NINL: variants seen among roughly 807,000 people sequenced by gnomAD.
NINL encodes ninein-like protein.
In NINL, 153 loss-of-function variants were observed where a neutral mutation model predicts 160.3. That is an observed-to-expected ratio of 0.95 (90% CI 0.84 to 1.09). The LOEUF (loss-of-function observed/expected upper bound fraction) is 1.09. Among genes scored for constraint, NINL ranks in the 50% least tolerant of loss-of-function variants. NINL has a pLI of 0.00. For missense variants in NINL, 1,829 were observed against 1,764.0 expected, an observed-to-expected ratio of 1.04 and a Z score of -0.66; for synonymous variants, 800 against 734.8, an observed-to-expected ratio of 1.09 and a Z score of -1.43.
intron 13 of NINL, among the ~76,000 whole-genome samples, chr20:25,484,637 T>C (rs1320994011): frequency 2.0e-5 from 3 of 152,118 alleles, no homozygotes; most frequent in South Asian, 2.1e-4. Context: ...ATACCAGTGA[T>C]TGGTACATGT....
intron 1 of NINL, among the ~76,000 whole-genome samples, chr20:25,563,986 C>T (rs1013396141): frequency 1.2e-4 from 18 of 152,174 alleles, no homozygotes; most frequent in Admixed American, 6.5e-4. Context: ...TGGGAGACCA[C>T]GGCAAGAGGA....
intron 1 of NINL, among the ~76,000 whole-genome samples, chr20:25,531,625 G>T (rs1384481094): frequency 1.3e-5 from 2 of 152,186 alleles, no homozygotes; most frequent in Non-Finnish European, 2.9e-5. Flanking sequence ...CGCAACAGGG[G>T]AGAAGACAAA....
intron 1 of NINL, among the ~76,000 whole-genome samples, chr20:25,537,861 C>T (rs939499088): frequency 3.3e-5 from 5 of 152,178 alleles, no homozygotes; most frequent in Admixed American, 1.3e-4. Context: ...TGACAAGAGT[C>T]GAAATGCACG....
chr20:25,554,040 G>C (rs574473635), intron 1 of NINL, among the ~76,000 whole-genome samples: 1 of 152,366 alleles, frequency 6.6e-6, no homozygotes, highest in South Asian at 2.1e-4. Flanking sequence ...AGGGCAGAAG[G>C]ACCAGGCCTT....
chr20:25,491,570 C>T, intron 10 of NINL, 45 bp from the exon 11 acceptor site: 1 of 1,584,752 alleles, frequency 6.3e-7, no homozygotes, highest in Non-Finnish European at 8.6e-7. Context: ...CATGTCAGGG[C>T]TGCCCAGGCC....
chr20:25,467,811 C>T (rs949470951), intron 18 of NINL, among the ~76,000 whole-genome samples: 1 of 152,200 alleles, frequency 6.6e-6, no homozygotes, highest in East Asian at 1.9e-4. Flanking sequence ...ACACATAACA[C>T]TTCACACTCA....
chr20:25,480,842 G>A (rs966814225), intron 14 of NINL, among the ~76,000 whole-genome samples: 1 of 152,214 alleles, frequency 6.6e-6, no homozygotes, highest in African/African-American at 2.4e-5. Flanking sequence ...ATCCAGGTGG[G>A]ACGTCAATGG....
chr20:25,510,848 G>A, intron 4 of NINL, 108 bp from the exon 5 acceptor site: 1 of 826,556 alleles, frequency 1.2e-6, no homozygotes, highest in South Asian at 1.6e-5. Context: ...GGATGGCTGA[G>A]TATGGAGTCA....
chr20:25,505,803 C>T (rs1216768550), intron 5 of NINL, among the ~76,000 whole-genome samples: 5 of 152,154 alleles, frequency 3.3e-5, no homozygotes, highest in African/African-American at 1.2e-4. Flanking sequence ...CTGCAAAGCA[C>T]CAAAGGTGGA....
chr20:25,561,791 G>A (rs1392405088), intron 1 of NINL, among the ~76,000 whole-genome samples: 2 of 150,144 alleles, frequency 1.3e-5, no homozygotes, highest in South Asian at 2.1e-4. Flanking sequence ...GAGACCCTCC[G>A]CCTGGCAACC....
chr20:25,479,106 T>C lies in NINL; in HGVS notation c.2018A>G (p.Glu673Gly), dbSNP rs1327903928. 1 of 1,613,648 alleles carries C rather than the reference T, an allele frequency of 6.2e-7. No individual in the cohort carries two copies. Among genetic ancestry groups the C allele is most frequent in the Non-Finnish European group, 8.5e-7 (1 of 1,180,034 alleles). ...QARRREVSVLEGQKADLEELH... is the reference protein window; with the variant it reads ...QARRREVSVLGGQKADLEELH... Reference sequence around the variant, plus strand: ...CTCCTCCAGGTCGGCCTTCTGACCCTCCAGCACGCTGACCTCGCGCCTGCG... The same window carrying C: ...CTCCTCCAGGTCGGCCTTCTGACCCCCCAGCACGCTGACCTCGCGCCTGCG... Residue 673 changes from glutamate (E) to glycine (G), a missense_variant, in exon 16 of 24, where the codon GAG (glutamate) becomes GGG (glycine). Transcript: ENST00000278886.
At position 25,452,843 on chromosome 20, in the gene NINL, C is replaced by T. The variant is rs2090566654; in HGVS notation, c.*608G>A. The T allele has an allele frequency of 6.6e-6, 1 of 150,542 alleles. No homozygotes were observed. Among genetic ancestry groups the T allele is most frequent in the Non-Finnish European group, 1.5e-5 (1 of 67,798 alleles). 9.3% of individuals were successfully genotyped at this position (150,542 alleles called of 1,614,324 possible). A position where few individuals can be genotyped will look rare whatever the true frequency, so the allele number is the denominator to read the frequency against. ...TTTTTTTTACATATAGTACAATTTCCAGTGTGATGACATTTCAATGGGAAA... is the reference window on the plus strand; with the variant it reads ...TTTTTTTTACATATAGTACAATTTCTAGTGTGATGACATTTCAATGGGAAA... On this transcript the variant is annotated 3_prime_UTR_variant, in exon 24 of 24. Coordinates refer to ENST00000278886, the MANE Select transcript of NINL (RefSeq NM_025176.6).
chr20:25,498,100 C>T lies in NINL; in HGVS notation c.1169+110G>A, dbSNP rs569423295. 3.0e-5 allele frequency: 40 copies of T among 1,314,944 alleles called. 1 individual carries two copies. The highest frequency in any genetic ancestry group is 5.8e-5 in the African/African-American group (4 of 69,430). 81.5% of individuals were successfully genotyped at this position (1,314,944 alleles called of 1,614,324 possible). A position where few individuals can be genotyped will look rare whatever the true frequency, so the allele number is the denominator to read the frequency against. ...GTGCAGAGCCCTGCCCCAGGACTGG[C>T]CATGTGGGGTGGATAAGAGCTGACT... On this transcript the variant is annotated intron_variant, in intron 9 of 23. Transcript: ENST00000278886.
At chr20:25,454,389 G>A (rs946630209) in intron 23 of NINL, among the ~76,000 whole-genome samples, 8 of 152,166 alleles carry the variant, frequency 5.3e-5, no homozygotes, top group Admixed American at 5.2e-4. Flanking sequence ...AGGTATGCAG[G>A]AGCCACAGGA....
rs1331676043 is a variant in NINL at position 25,462,383 on chromosome 20, C to A, written c.3582G>T (p.Gln1194His). ...LEEVVRSGQQ[Q>H]SDQIQKLRVE... The stretch of plus-strand genomic sequence containing the variant: ...GCTCCCTGCGGCTGAGGCCACCCAC[C>A]TGCTGCTGCCCACTGCGAACCACCT... The change falls in exon 20 of 24, where the codon CAG (glutamine) becomes CAT (histidine). Residue 1194 changes from glutamine (Q) to histidine (H), a missense_variant and splice_region_variant. Gln to His is a conservative substitution (Grantham distance 24, BLOSUM62 0). Transcript: ENST00000278886. The A allele has an allele frequency of 6.5e-7, 1 of 1,550,160 alleles. No homozygotes were observed. The highest frequency in any genetic ancestry group is 1.9e-5 in the Admixed American group (1 of 53,564).
At chr20:25,532,532 CCCCCA>C (rs1399557787) in intron 1 of NINL, among the ~76,000 whole-genome samples, 3 of 152,216 alleles carry the variant, frequency 2.0e-5, no homozygotes, top group African/African-American at 7.2e-5. Flanking sequence ...ATACAGGCAG[CCCCCA>C]CCACTTCTCA....
chr20:25,571,410 G>A (rs2065053856), intron 1 of NINL, among the ~76,000 whole-genome samples: 1 of 152,178 alleles, frequency 6.6e-6, no homozygotes, highest in Non-Finnish European at 1.5e-5. Context: ...CTCCTCGAAG[G>A]AGCCTGCTGG....
At chr20:25,463,252 T>C (rs1262415132) in intron 19 of NINL, among the ~76,000 whole-genome samples, 1 of 152,178 alleles carries the variant, frequency 6.6e-6, no homozygotes, top group Non-Finnish European at 1.5e-5. Flanking sequence ...AACCACTGTT[T>C]GGAAGACCTT....
intron 1 of NINL, among the ~76,000 whole-genome samples, chr20:25,549,757 G>A (rs763482903): frequency 1.6e-4 from 24 of 151,962 alleles, no homozygotes; most frequent in Admixed American, 1.3e-3. Flanking sequence ...CATTCAGCCC[G>A]GTTTGAGCCA....
Sources: allele counts gnomAD v4.1 joint callset (sites outside exome capture counted in the v4.1 genomes callset), GRCh38; gene constraint gnomAD v4.1.1; transcripts MANE v1.5; gene names NCBI Gene and HGNC (gene_info 2026-07-23, HGNC 2026-07-21).